Variants in MINDY2 observed in about 807,000 individuals in gnomAD.
MINDY2 encodes the protein MINDY lysine 48 deubiquitinase 2, also known as ubiquitin carboxyl-terminal hydrolase MINDY-2.
In MINDY2, 52 loss-of-function variants were observed where a neutral mutation model predicts 68.2. That is an observed-to-expected ratio of 0.76 (90% CI 0.61 to 0.96). MINDY2 has a LOEUF of 0.96. Ranked by LOEUF, MINDY2 falls within the 40% of genes least tolerant of loss-of-function variation. The probability of loss-of-function intolerance (pLI) is 0.00; values close to 1 mark genes in which losing one functional copy is unlikely to be tolerated. For missense variants in MINDY2, 881 were observed against 773.4 expected, an observed-to-expected ratio of 1.14 and a Z score of -1.65; for synonymous variants, 372 against 303.0, an observed-to-expected ratio of 1.23 and a Z score of -2.36.
At position 58,771,786 on chromosome 15, in the gene MINDY2, G is replaced by A. The variant is rs1272130175; in HGVS notation, c.391G>A (p.Ala131Thr). Residue 131 changes from alanine to threonine, a missense_variant, in exon 1 of 9, where the codon GCC becomes ACC. By Grantham distance (58) the Ala-to-Thr change is moderately conservative. Transcript: ENST00000559228. The part of the protein sequence containing the change: ...HELGTAGDAG[A>T]RPDLAGTCQA... ...GTTGGGTACCGCCGGAGACGCGGGA[G>A]CCCGCCCGGATCTCGCCGGCACCTG... The A allele has an allele frequency of 6.2e-7, 1 of 1,610,272 alleles. No individual in the cohort carries two copies. The highest frequency in any genetic ancestry group is 2.2e-5 in the East Asian group (1 of 44,826).
At chr15:58,794,379 G>GTGTGTGTGTA (rs1555429203) in intron 2 of MINDY2, among the ~76,000 whole-genome samples, 4 of 151,468 alleles carry the variant, frequency 2.6e-5, no homozygotes, top group African/African-American at 9.7e-5. Flanking sequence ...GTGTGTGTGT[G>GTGTGTGTGTA]TGTGTGTGTG....
intron 1 of MINDY2, among the ~76,000 whole-genome samples, chr15:58,776,417 G>A (rs759435128): frequency 6.6e-6 from 1 of 152,156 alleles, no homozygotes; most frequent in Non-Finnish European, 1.5e-5. Flanking sequence ...GGGTGAGAGA[G>A]TGAAAAACCA....
chr15:58,831,646 A>G (rs1431971148), intron 5 of MINDY2, 128 bp from the exon 6 acceptor site: 5 of 730,802 alleles, frequency 6.8e-6, no homozygotes, highest in African/African-American at 1.8e-5. Context: ...GAGCCATCAT[A>G]AAGTAGTAGG....
chr15:58,793,402 G>T lies in MINDY2; in HGVS notation c.898+5439G>T, dbSNP rs1374857439. Among the ~76,000 whole-genome samples, 3 of 152,232 alleles carry T rather than the reference G, an allele frequency of 2.0e-5. No individual in the cohort carries two copies. In the South Asian group the frequency reaches 6.2e-4, roughly 32 times the overall value. Reference sequence around the variant, plus strand: ...GCAGTCGGAGGTTGCAGTGAGTGGAGATAACACCACTGCACTCCAGCCTGG... The same window carrying T: ...GCAGTCGGAGGTTGCAGTGAGTGGATATAACACCACTGCACTCCAGCCTGG... On this transcript the variant is annotated intron_variant, in intron 2 of 8. Coordinates refer to ENST00000559228, the MANE Select transcript of MINDY2 (RefSeq NM_001040450.3).
chr15:58,779,739 G>A (rs1901011479), intron 1 of MINDY2, among the ~76,000 whole-genome samples: 1 of 152,170 alleles, frequency 6.6e-6, no homozygotes, highest in Admixed American at 6.5e-5. Context: ...AATTAGAATT[G>A]GTGTTGTAAC....
chr15:58,801,897 C>T (rs1246670836), intron 2 of MINDY2, among the ~76,000 whole-genome samples: 1 of 152,204 alleles, frequency 6.6e-6, no homozygotes, highest in African/African-American at 2.4e-5. Flanking sequence ...GGATCACAGG[C>T]GTGAGCCACC....
chr15:58,791,978 C>T (rs1901971993), intron 2 of MINDY2, among the ~76,000 whole-genome samples: 1 of 151,872 alleles, frequency 6.6e-6, no homozygotes, highest in Non-Finnish European at 1.5e-5. Flanking sequence ...TTCCTAGAAT[C>T]GTAATGAAGA....
At chr15:58,779,978 A>G (rs1006736266) in intron 1 of MINDY2, among the ~76,000 whole-genome samples, 4 of 152,198 alleles carry the variant, frequency 2.6e-5, no homozygotes, top group Admixed American at 2.0e-4. Context: ...TTGAATAATA[A>G]TAGTAAGTAC....
At chr15:58,812,940 T>C (rs2030398065) in intron 4 of MINDY2, among the ~76,000 whole-genome samples, 1 of 152,176 alleles carries the variant, frequency 6.6e-6, no homozygotes, top group South Asian at 2.1e-4. Flanking sequence ...CTGATGCCCT[T>C]TTATATCCAC....
rs57998049 is a variant in MINDY2 at position 58,791,215 on chromosome 15, T to TTATA, written c.898+3290_898+3293dup. Among the ~76,000 whole-genome samples, 227 of 79,534 alleles carry TTATA rather than the reference T, an allele frequency of 2.9e-3. 6 individuals are homozygous for TTATA. Among genetic ancestry groups the TTATA allele is most frequent in the Non-Finnish European group, 4.7e-3 (148 of 31,514 alleles). 52.2% of individuals were successfully genotyped at this position (79,534 alleles called of 152,430 possible). ...AAAGGGAGCCATCAGGAAAGCAATT[T>TTATA]TATATATATATATATATATATATAT... is the stretch of plus-strand genomic sequence containing the variant. On this transcript the variant is annotated intron_variant, in intron 2 of 8. Transcript: ENST00000559228.
At chr15:58,790,255 GT>G (rs111332586) in intron 2 of MINDY2, among the ~76,000 whole-genome samples, 1 of 151,656 alleles carries the variant, frequency 6.6e-6, no homozygotes, top group Non-Finnish European at 1.5e-5. Context: ...ATTATTTTAA[GT>G]TTTTTTTTCC....
intron 2 of MINDY2, among the ~76,000 whole-genome samples, chr15:58,800,244 A>G (rs1221870095): frequency 6.6e-6 from 1 of 152,136 alleles, no homozygotes; most frequent in African/African-American, 2.4e-5. Context: ...AGGTTTTCTT[A>G]ATTCTTTCCT....
At chr15:58,837,303 T>G (rs539347009) in intron 6 of MINDY2, among the ~76,000 whole-genome samples, 1 of 152,292 alleles carries the variant, frequency 6.6e-6, no homozygotes, top group East Asian at 1.9e-4. Flanking sequence ...CTGGGCATGG[T>G]GGCTCATGTG....
intron 5 of MINDY2, among the ~76,000 whole-genome samples, chr15:58,824,107 T>C (rs887008385): frequency 1.7e-4 from 26 of 152,336 alleles, no homozygotes; most frequent in African/African-American, 5.8e-4. Flanking sequence ...TATGAAGCTA[T>C]GTGAAACACT....
At position 58,787,295 on chromosome 15, in the gene MINDY2, A is replaced by G. The variant is rs549846012; in HGVS notation, c.841-611A>G. On this transcript the variant is annotated intron_variant, in intron 1 of 8. Transcript: ENST00000559228. ...AGGCAGGAGCCACTGTGCCCAGCCC[A>G]TTTCTTTACTTCTTAATAGTTTTAT... Among the ~76,000 whole-genome samples, 767 of 151,368 alleles carry G rather than the reference A, an allele frequency of 5.1e-3. 6 individuals carry two copies. The highest frequency in any genetic ancestry group is 0.018 in the African/African-American group (732 of 41,308).
intron 6 of MINDY2, among the ~76,000 whole-genome samples, chr15:58,843,806 C>A (rs1453530357): frequency 8.3e-6 from 1 of 120,994 alleles, no homozygotes; most frequent in Non-Finnish European, 1.6e-5. Flanking sequence ...GCACTCCAGC[C>A]TGGGCAACAG....
At chr15:58,845,422 C>G (rs768904109) in intron 6 of MINDY2, among the ~76,000 whole-genome samples, 1 of 152,056 alleles carries the variant, frequency 6.6e-6, no homozygotes, top group African/African-American at 2.4e-5. Context: ...AAAAGATAAA[C>G]AAATGGCAGA....
chr15:58,822,311 CT>C (rs1422900109), intron 5 of MINDY2, among the ~76,000 whole-genome samples: 4 of 151,550 alleles, frequency 2.6e-5, no homozygotes, highest in Non-Finnish European at 4.4e-5. Context: ...AAGGTTTTTC[CT>C]AGAACTCTTT....
chr15:58,844,408 C>T (rs1396001249), intron 6 of MINDY2, among the ~76,000 whole-genome samples: 8 of 151,816 alleles, frequency 5.3e-5, no homozygotes, highest in East Asian at 3.9e-4. Context: ...AAAAATTAGC[C>T]GGGCATGGTG....
Sources: gnomAD v4.1 joint callset for allele counts (sites outside exome capture counted in the v4.1 genomes callset) on GRCh38, gnomAD v4.1.1 for gene constraint, MANE v1.5 for transcripts, NCBI Gene and HGNC (gene_info 2026-07-23, HGNC 2026-07-21) for gene names.